MYO3B: variants seen among roughly 807,000 people sequenced by gnomAD.
MYO3B encodes myosin-IIIb.
Under a neutral mutation model 174.6 loss-of-function variants are expected in MYO3B, and 156 were observed. The ratio of observed to expected loss-of-function variants is 0.89; its 90% CI spans 0.78 to 1.02. MYO3B has a LOEUF of 1.02. Among genes scored for constraint, MYO3B ranks in the 50% least tolerant of loss-of-function variants. MYO3B has a pLI of 0.00. For synonymous variants in MYO3B, 563 were observed against 569.1 expected, an observed-to-expected ratio of 0.99 and a Z score of 0.15; for missense variants, 1,632 against 1,639.4, an observed-to-expected ratio of 1.00 and a Z score of 0.08.
At chr2:170,520,316 G>T (rs1251432711) in intron 30 of MYO3B, among the ~76,000 whole-genome samples, 1 of 151,970 alleles carries the variant, frequency 6.6e-6, no homozygotes, top group Non-Finnish European at 1.5e-5. Context: ...AGCCAGGCAT[G>T]GTGGTATGTG....
intron 25 of MYO3B, among the ~76,000 whole-genome samples, chr2:170,467,952 C>T (rs1385601477): frequency 6.6e-6 from 1 of 151,008 alleles, no homozygotes; most frequent in African/African-American, 2.4e-5. Flanking sequence ...AAAAATTTAG[C>T]ACATGAATTT....
chr2:170,596,902 A>G (rs559272651), intron 32 of MYO3B, among the ~76,000 whole-genome samples: 2 of 152,300 alleles, frequency 1.3e-5, no homozygotes, highest in Non-Finnish European at 1.5e-5. Flanking sequence ...TAGGTGTACT[A>G]TCTTCACCTC....
intron 1 of MYO3B, 33 bp downstream of exon 1, chr2:170,178,322 T>C: frequency 6.2e-7 from 1 of 1,614,086 alleles, no homozygotes; most frequent in Non-Finnish European, 8.5e-7. Context: ...CCAGCTTTCT[T>C]CTGTGCTTGC....
chr2:170,483,319 T>A (rs1685812231), intron 25 of MYO3B, among the ~76,000 whole-genome samples: 1 of 151,760 alleles, frequency 6.6e-6, no homozygotes, highest in African/African-American at 2.4e-5. Flanking sequence ...TTGGATTTGC[T>A]TGCCCAGCTT....
intron 9 of MYO3B, among the ~76,000 whole-genome samples, chr2:170,376,646 T>C (rs1341423720): frequency 6.6e-6 from 1 of 151,826 alleles, no homozygotes; most frequent in Non-Finnish European, 1.5e-5. Flanking sequence ...TTTACTTCCT[T>C]TTCCATCTGG....
At chr2:170,201,094 T>C (rs538611202) in intron 3 of MYO3B, among the ~76,000 whole-genome samples, 20 of 152,280 alleles carry the variant, frequency 1.3e-4, no homozygotes, top group Admixed American at 4.6e-4. Flanking sequence ...TGCATTTTTT[T>C]CTCCAACAAT....
At chr2:170,527,162 G>A (rs1689058499) in intron 30 of MYO3B, among the ~76,000 whole-genome samples, 2 of 152,196 alleles carry the variant, frequency 1.3e-5, no homozygotes, top group Non-Finnish European at 2.9e-5. Flanking sequence ...ACAAGAGTGG[G>A]CCATAGCCAG....
intron 32 of MYO3B, among the ~76,000 whole-genome samples, chr2:170,610,087 AGCACTTTAGGAGGCCAAG>A (rs1336272647): frequency 6.6e-6 from 1 of 152,256 alleles, no homozygotes; most frequent in Non-Finnish European, 1.5e-5. Context: ...CTGTAATCCC[AGCACTTTAGGAGGCCAAG>A]GCGGGTGGTT....
chr2:170,497,947 GAAAAAAAAAAAA>G (rs55963352), intron 25 of MYO3B, among the ~76,000 whole-genome samples: 6 of 87,874 alleles, frequency 6.8e-5, no homozygotes, highest in African/African-American at 2.3e-4. Flanking sequence ...TTCTGCCTCA[GAAAAAAAAAAAA>G]AAAAAAAAAA....
chr2:170,410,699 G>A (rs1170976519), intron 22 of MYO3B, among the ~76,000 whole-genome samples: 1 of 151,376 alleles, frequency 6.6e-6, no homozygotes, highest in Admixed American at 6.6e-5. Context: ...GAAGACGTTT[G>A]TTAGGAAGAC....
chr2:170,261,915 A>T (rs1008044690), intron 7 of MYO3B, among the ~76,000 whole-genome samples: 1 of 152,194 alleles, frequency 6.6e-6, no homozygotes, highest in African/African-American at 2.4e-5. Context: ...GTATGTGTGT[A>T]TATATATGTG....
intron 7 of MYO3B, among the ~76,000 whole-genome samples, chr2:170,266,631 G>T (rs1254989117): frequency 1.3e-5 from 2 of 152,156 alleles, no homozygotes; most frequent in African/African-American, 4.8e-5. Flanking sequence ...GAAGTTCCAG[G>T]TTCTTATGTA....
Position 170,630,256 on chromosome 2 carries a change from C to T in MYO3B, c.3734-21372C>T, listed in dbSNP as rs142387845. Among the ~76,000 whole-genome samples, 144 of 152,318 alleles carry T rather than the reference C, an allele frequency of 9.5e-4. No homozygotes were observed. The East Asian group carries it at 0.017, about 18-fold the overall frequency. ...CATGCAGCACACCAGGAGATTATAT[C>T]CTGCACTTGGCGCAGTGGGTCCCAC... On this transcript the variant is annotated intron_variant, in intron 32 of 34. Transcript: ENST00000408978.
intron 8 of MYO3B, among the ~76,000 whole-genome samples, chr2:170,359,160 T>G (rs2094143449): frequency 6.6e-6 from 1 of 152,156 alleles, no homozygotes; most frequent in Admixed American, 6.5e-5. Flanking sequence ...TTAAAGGCCT[T>G]TAGGGTCCTT....
At chr2:170,539,448 C>T (rs893797972) in intron 30 of MYO3B, among the ~76,000 whole-genome samples, 1 of 152,096 alleles carries the variant, frequency 6.6e-6, no homozygotes, top group Non-Finnish European at 1.5e-5. Flanking sequence ...AAATTGAGCA[C>T]CGGATTAAAA....
intron 25 of MYO3B, among the ~76,000 whole-genome samples, chr2:170,487,840 G>A (rs1049441964): frequency 6.6e-6 from 1 of 152,032 alleles, no homozygotes; most frequent in Non-Finnish European, 1.5e-5. Context: ...CAAAATGAGA[G>A]GTGCAAATAA....
chr2:170,606,998 C>CA (rs1049635668), intron 32 of MYO3B, among the ~76,000 whole-genome samples: 2 of 151,024 alleles, frequency 1.3e-5, no homozygotes, highest in African/African-American at 4.9e-5. Context: ...CCAGCCTGGG[C>CA]AAAAAAAGCG....
intron 32 of MYO3B, among the ~76,000 whole-genome samples, chr2:170,615,095 C>G (rs1356558257): frequency 2.0e-5 from 3 of 152,152 alleles, no homozygotes; most frequent in Non-Finnish European, 4.4e-5. Flanking sequence ...GTCACACTTT[C>G]CTCTGTTTTG....
chr2:170,415,607 C>T (rs2094572942), intron 22 of MYO3B, among the ~76,000 whole-genome samples: 1 of 152,118 alleles, frequency 6.6e-6, no homozygotes, highest in African/African-American at 2.4e-5. Context: ...ATAGATGAGC[C>T]AAATCGACGC....
Sources: allele counts gnomAD v4.1 joint callset (sites outside exome capture counted in the v4.1 genomes callset), GRCh38; gene constraint gnomAD v4.1.1; transcripts MANE v1.5; gene names NCBI Gene and HGNC (gene_info 2026-07-23, HGNC 2026-07-21).